ANKRD11: variants seen among roughly 807,000 people sequenced by gnomAD.
The protein encoded by ANKRD11 is ankyrin repeat domain-containing protein 11.
A neutral mutation model predicts 195.7 loss-of-function variants in ANKRD11; 17 were observed. The observed-to-expected ratio is 0.09, with a 90% CI of 0.06 to 0.13. The LOEUF (loss-of-function observed/expected upper bound fraction) is 0.13. Ranked by LOEUF, ANKRD11 falls within the 10% of genes least tolerant of loss-of-function variation. The pLI is 1.00. For missense variants in ANKRD11, 3,735 were observed against 3,566.1 expected (o/e 1.05, Z -1.21); for synonymous variants, 1,953 against 1,528.1 (o/e 1.28, Z -6.49).
Position 89,274,549 on chromosome 16 carries a change from T to A in ANKRD11, c.7713+265A>T, listed in dbSNP as rs569010403. 2.6e-4 allele frequency among the ~76,000 whole-genome samples: 39 copies of A among 152,260 alleles called. 1 individual carries two copies. The South Asian group carries it at 3.5e-3, about 14-fold the overall frequency. On this transcript the variant is annotated intron_variant, in intron 11 of 12. Coordinates refer to ENST00000301030, the MANE Select transcript of ANKRD11 (RefSeq NM_013275.6). ...GTGCTCCAACTGCATGGACAAGTGT[T>A]ACGGAGGGACTGAGCTGCTGAGGCC...
intron 2 of ANKRD11, among the ~76,000 whole-genome samples, chr16:89,417,629 G>A (rs1429148865): frequency 6.6e-6 from 1 of 152,128 alleles, no homozygotes; most frequent in Non-Finnish European, 1.5e-5. Context: ...CCAGCTCCTA[G>A]GAAAAGCCAG....
chr16:89,328,258 T>C (rs1202153747), intron 2 of ANKRD11, among the ~76,000 whole-genome samples: 1 of 152,184 alleles, frequency 6.6e-6, no homozygotes, highest in Non-Finnish European at 1.5e-5. Context: ...GAACGCAAAG[T>C]GGTGTTGCTG....
chr16:89,281,568 A>G lies in ANKRD11; in HGVS notation c.4974T>C (p.Thr1658=), dbSNP rs755829951. The G allele has an allele frequency of 1.2e-6, 2 of 1,614,114 alleles. No individual in the cohort carries two copies. Among genetic ancestry groups the G allele is most frequent in the Non-Finnish European group, 1.7e-6 (2 of 1,180,012 alleles). ...TATTTTCCGCGGCAGGTGGAATAGGAGTCGACTCTTTGAGCTTTTTGTCTT... is the reference window on the plus strand; with the variant it reads ...TATTTTCCGCGGCAGGTGGAATAGGGGTCGACTCTTTGAGCTTTTTGTCTT... ...PFKDKKLKES[T]PIPPAAENKL... Residue 1658 remains threonine (T), a synonymous_variant, in exon 9 of 13, where the codon ACT becomes ACC. Coordinates refer to ENST00000301030, the MANE Select transcript of ANKRD11 (RefSeq NM_013275.6). This position sits in a 1 kb window ranked among gnomAD's most constrained non-coding sequence, Gnocchi z 5.5.
chr16:89,468,997 A>G (rs1159682955), intron 1 of ANKRD11, among the ~76,000 whole-genome samples: 2 of 152,228 alleles, frequency 1.3e-5, no homozygotes, highest in East Asian at 1.9e-4. Flanking sequence ...GCAAACTTGT[A>G]ATAGAAGGGA....
chr16:89,441,433 A>C (rs953577436), intron 1 of ANKRD11, among the ~76,000 whole-genome samples: 1 of 151,986 alleles, frequency 6.6e-6, no homozygotes, highest in African/African-American at 2.4e-5. Context: ...CAGCAACAAA[A>C]GCAGTCAGGA....
intron 1 of ANKRD11, among the ~76,000 whole-genome samples, chr16:89,462,164 C>T (rs747904203): frequency 8.6e-5 from 13 of 152,038 alleles, no homozygotes; most frequent in Non-Finnish European, 1.8e-4. Context: ...CATCTCGGCT[C>T]ACTGCAACCC....
Position 89,281,703 on chromosome 16 carries a change from G to A in ANKRD11, c.4839C>T (p.His1613=), listed in dbSNP as rs577957468. 3 of 1,614,130 alleles carry A rather than the reference G, an allele frequency of 1.9e-6. No homozygotes were observed. Among genetic ancestry groups the A allele is most frequent in the African/African-American group, 2.7e-5 (2 of 75,020 alleles). The change falls in exon 9 of 13, where the codon CAC becomes CAT. Residue 1613 remains histidine (H), a synonymous_variant. Transcript: ENST00000301030. The surrounding 1 kb of genome is among the most constrained non-coding windows in gnomAD (Gnocchi z 5.5). ...CCTTGAGCTTGGGGTCTCCGGACCG[G>A]TGCCTCAGCTTCTCCATTTGCTTCA... ...ERMKQMEKLR[H]RSGDPKLKEK... is the part of the protein sequence containing the mutation.
intron 2 of ANKRD11, among the ~76,000 whole-genome samples, chr16:89,358,486 T>C (rs2039587580): frequency 6.6e-6 from 1 of 152,234 alleles, no homozygotes; most frequent in Non-Finnish European, 1.5e-5. Context: ...AAAGGATAAC[T>C]AGTTGAGAAG....
chr16:89,316,787 C>G (rs2036983598), intron 3 of ANKRD11, 146 bp downstream of exon 3: 1 of 978,584 alleles, frequency 1.0e-6, no homozygotes, highest in African/African-American at 1.6e-5. Context: ...TCACTCCTCA[C>G]CACCCTCTCC....
Position 89,316,960 on chromosome 16 carries a change from G to C in ANKRD11, c.60C>G (p.Asp20Glu). The change falls in exon 3 of 13, where the codon GAC becomes GAG. Residue 20 changes from aspartate (D) to glutamate (E), a missense_variant. By Grantham distance (45) the Asp-to-Glu change is conservative. Transcript: ENST00000301030. ...PQQEELPLSS[D>E]MVEKQTGKKD... The stretch of plus-strand genomic sequence containing the variant: ...TTTTCCCAGTCTGCTTCTCCACCAT[G>C]TCGCTGCTGAGGGGAAGCTCTTCCT... 1 of 1,613,860 alleles carries C rather than the reference G, an allele frequency of 6.2e-7. No homozygotes were observed. Among genetic ancestry groups the C allele is most frequent in the Non-Finnish European group, 8.5e-7 (1 of 1,179,938 alleles).
intron 2 of ANKRD11, among the ~76,000 whole-genome samples, chr16:89,362,545 G>A (rs977319731): frequency 6.6e-6 from 1 of 152,256 alleles, no homozygotes; most frequent in Non-Finnish European, 1.5e-5. Flanking sequence ...CATCTCAGCT[G>A]TGTAAAAAGT....
At chr16:89,448,515 C>G (rs1442588509) in intron 1 of ANKRD11, among the ~76,000 whole-genome samples, 4 of 152,118 alleles carry the variant, frequency 2.6e-5, no homozygotes, top group Non-Finnish European at 5.9e-5. Context: ...TTTCTTTTTT[C>G]TTAAATTAGC....
chr16:89,371,992 G>A (rs1237153050), intron 2 of ANKRD11, among the ~76,000 whole-genome samples: 2 of 152,184 alleles, frequency 1.3e-5, no homozygotes, highest in Non-Finnish European at 2.9e-5. Context: ...CTCTAAAGAT[G>A]GGACCGGTTT....
rs746932095 is a variant in ANKRD11 at position 89,291,852 on chromosome 16, A to G, written c.227-669T>C. The G allele has an allele frequency of 1.4e-5, 14 of 1,022,764 alleles. No individual in the cohort carries two copies. The highest frequency in any genetic ancestry group is 1.9e-5 in the Non-Finnish European group (14 of 746,318). 63.4% of individuals were successfully genotyped at this position (1,022,764 alleles called of 1,614,324 possible). A position where few individuals can be genotyped will look rare whatever the true frequency, so the allele number is the denominator to read the frequency against. ...CTGTTTCCACCTCAGCCTCCTCGTA[A>G]CAAGCACACCCTGCACTCATCTGAC... On this transcript the variant is annotated intron_variant, in intron 4 of 12. Transcript: ENST00000301030. The surrounding 1 kb of genome is among the most constrained non-coding windows in gnomAD (Gnocchi z 5.3).
intron 3 of ANKRD11, among the ~76,000 whole-genome samples, chr16:89,307,662 A>G (rs1382529191): frequency 1.3e-5 from 2 of 152,146 alleles, no homozygotes; most frequent in Non-Finnish European, 2.9e-5. Flanking sequence ...GCCCAGATGC[A>G]GCTCCCCCGC....
chr16:89,353,066 G>A (rs191375670), intron 2 of ANKRD11, among the ~76,000 whole-genome samples: 67 of 152,312 alleles, frequency 4.4e-4, no homozygotes, highest in African/African-American at 1.3e-3. Context: ...AGGGCTGGGC[G>A]CGGTGGCTCA....
chr16:89,293,703 G>A lies in ANKRD11; in HGVS notation c.227-2520C>T, dbSNP rs563959742. ...GGAGCTGGGGCAGAGTTGGGGCTGC[G>A]GAGGGAGGAGCTGGGGCAGAGGTGG... is the stretch of plus-strand genomic sequence containing the variant. On this transcript the variant is annotated intron_variant, in intron 4 of 12. Transcript: ENST00000301030. 3.1e-4 allele frequency among the ~76,000 whole-genome samples: 44 copies of A among 143,800 alleles called. No homozygotes were observed. In the South Asian group the frequency reaches 5.5e-3, roughly 18 times the overall value. 94.3% of individuals were successfully genotyped at this position (143,800 alleles called of 152,430 possible).
chr16:89,409,462 C>T (rs2042034433), intron 2 of ANKRD11, among the ~76,000 whole-genome samples: 1 of 152,182 alleles, frequency 6.6e-6, no homozygotes, highest in Admixed American at 6.5e-5. Context: ...CACGGCCCTG[C>T]CCACAGCATA....
intron 1 of ANKRD11, among the ~76,000 whole-genome samples, chr16:89,449,831 AGGT>A (rs1237201981): frequency 6.6e-6 from 1 of 152,034 alleles, no homozygotes; most frequent in Non-Finnish European, 1.5e-5. Context: ...CTGGTGAGCT[AGGT>A]AAGGTGCTCA....
Sources: allele counts gnomAD v4.1 joint callset (sites outside exome capture counted in the v4.1 genomes callset), GRCh38; gene constraint gnomAD v4.1.1; non-coding constraint Gnocchi (gnomAD v3.1); transcripts MANE v1.5; gene names NCBI Gene and HGNC (gene_info 2026-07-23, HGNC 2026-07-21).